Variants in SLC13A3 observed in about 807,000 individuals in gnomAD.
The protein encoded by SLC13A3 is solute carrier family 13 member 3.
SLC13A3 carries 40 observed loss-of-function variants against 59.0 expected under a neutral mutation model. The observed-to-expected ratio is 0.68, with a 90% CI of 0.53 to 0.88. The LOEUF is 0.88. Ranked by LOEUF, SLC13A3 falls within the 40% of genes least tolerant of loss-of-function variation. The probability of loss-of-function intolerance (pLI) is 0.00; values close to 1 mark genes in which losing one functional copy is unlikely to be tolerated. For synonymous variants in SLC13A3, 317 were observed against 330.3 expected (o/e 0.96, Z 0.44); for missense variants, 699 against 783.2 (o/e 0.89, Z 1.28).
At chr20:46,613,020 C>G (rs1013257570) in intron 2 of SLC13A3, among the ~76,000 whole-genome samples, 1 of 152,180 alleles carries the variant, frequency 6.6e-6, no homozygotes, top group Non-Finnish European at 1.5e-5. Context: ...CTAATCCTCA[C>G]TAAACTCTAT....
At chr20:46,656,572 TAC>T (rs1171856387) in intron 1 of SLC13A3, among the ~76,000 whole-genome samples, 1 of 147,124 alleles carries the variant, frequency 6.8e-6, no homozygotes, top group Non-Finnish European at 1.5e-5. Flanking sequence ...ATATATACTA[TAC>T]AGTACATATA....
intron 1 of SLC13A3, among the ~76,000 whole-genome samples, chr20:46,626,573 C>T (rs1178659948): frequency 6.6e-6 from 1 of 152,176 alleles, no homozygotes; most frequent in Non-Finnish European, 1.5e-5. Flanking sequence ...CCAGAGTGAC[C>T]CCCAAATGCC....
At chr20:46,641,887 AG>A (rs2062848839) in intron 1 of SLC13A3, among the ~76,000 whole-genome samples, 1 of 152,130 alleles carries the variant, frequency 6.6e-6, no homozygotes, top group Non-Finnish European at 1.5e-5. Context: ...CCTCTTTTTG[AG>A]GGATCTCACA....
At chr20:46,580,098 G>C (rs776117402) in intron 9 of SLC13A3, among the ~76,000 whole-genome samples, 1 of 152,168 alleles carries the variant, frequency 6.6e-6, no homozygotes, top group Non-Finnish European at 1.5e-5. Context: ...TGGGGTTACA[G>C]GTATGTGCCA....
rs182865880 is a variant in SLC13A3, at chr20:46,648,860, G to A, written c.111+2451C>T. The stretch of plus-strand genomic sequence containing the variant: ...GTGGAGGTTGCAGTGAGCCAAGATC[G>A]TGCCACTGCACTCCAGCCTGTGTTA... On this transcript the variant is annotated intron_variant, in intron 1 of 12. Transcript: ENST00000279027. Among the ~76,000 whole-genome samples, 6 of 151,930 alleles carry A rather than the reference G, an allele frequency of 3.9e-5. 1 individual carries two copies. Among genetic ancestry groups the A allele is most frequent in the African/African-American group, 1.2e-4 (5 of 41,422 alleles).
chr20:46,568,924 G>A (rs191265446), intron 10 of SLC13A3, among the ~76,000 whole-genome samples: 2 of 152,298 alleles, frequency 1.3e-5, no homozygotes, highest in Admixed American at 6.5e-5. Context: ...AGAGGAAAAC[G>A]CCTGTTGCGT....
intron 1 of SLC13A3, among the ~76,000 whole-genome samples, chr20:46,676,962 C>T (rs1448948085): frequency 2.6e-5 from 4 of 152,340 alleles, no homozygotes; most frequent in Non-Finnish European, 2.9e-5. Context: ...CCTGTCCAGG[C>T]TGGAGTGCAG....
At chr20:46,640,140 G>A (rs959892237) in intron 1 of SLC13A3, among the ~76,000 whole-genome samples, 3 of 152,148 alleles carry the variant, frequency 2.0e-5, no homozygotes, top group African/African-American at 7.2e-5. Flanking sequence ...GTCTCCTCGG[G>A]GGACAGAGGA....
Position 46,651,356 on chromosome 20 carries a change from G to A in SLC13A3, c.66C>T (p.Phe22=), listed in dbSNP as rs1011834868. The A allele has an allele frequency of 3.9e-5, 59 of 1,514,524 alleles. 1 individual carries two copies. The highest frequency in any genetic ancestry group is 4.8e-5 in the Non-Finnish European group (54 of 1,134,150). The allele number at this position is 1,514,524 out of a possible 1,614,324, so 93.8% of individuals were successfully genotyped here. The part of the protein sequence containing the change: ...WSARRLLVLL[F]TPLALLPVVF... ...CCACCGGCAGCAGCGCGAGCGGCGT[G>A]AACAGCAGCACCAGCAGCCGCCGCG... Residue 22 remains phenylalanine (F), a synonymous_variant, in exon 1 of 13, where the codon TTC becomes TTT. Coordinates refer to ENST00000279027, the MANE Select transcript of SLC13A3 (RefSeq NM_022829.6).
rs546751549 is a variant in SLC13A3, at chr20:46,585,922, T to C, written c.1121+2137A>G. ...AGGCCCAGAAGGTGAGATATCTGGATTGTGCACTGCCCAGTATGGTAGCCA... is the reference window on the plus strand; with the variant it reads ...AGGCCCAGAAGGTGAGATATCTGGACTGTGCACTGCCCAGTATGGTAGCCA... On this transcript the variant is annotated intron_variant, in intron 8 of 12. Coordinates refer to ENST00000279027, the MANE Select transcript of SLC13A3 (RefSeq NM_022829.6). Among the ~76,000 whole-genome samples the C allele has an allele frequency of 2.0e-5, 3 of 152,314 alleles. No homozygotes were observed. The East Asian group carries it at 5.8e-4, about 29-fold the overall frequency.
intron 1 of SLC13A3, among the ~76,000 whole-genome samples, chr20:46,676,541 C>A (rs991903053): frequency 2.0e-5 from 3 of 151,860 alleles, no homozygotes; most frequent in Admixed American, 1.3e-4. Flanking sequence ...AGGCACGAGC[C>A]ACTGCGCCCG....
intron 1 of SLC13A3, among the ~76,000 whole-genome samples, chr20:46,669,271 C>A (rs189682694): frequency 6.6e-6 from 1 of 152,066 alleles, no homozygotes; most frequent in Non-Finnish European, 1.5e-5. Flanking sequence ...TTCCACCCCC[C>A]TCGTGGACCC....
intron 1 of SLC13A3, among the ~76,000 whole-genome samples, chr20:46,662,843 G>T (rs1452582641): frequency 6.6e-6 from 1 of 152,188 alleles, no homozygotes; most frequent in Non-Finnish European, 1.5e-5. Flanking sequence ...ACCTTGCAAA[G>T]TTCTGAAAAT....
At chr20:46,652,544 C>T (rs2062958850), upstream of SLC13A3, among the ~76,000 whole-genome samples, 1 of 112,644 alleles carries the variant, frequency 8.9e-6, no homozygotes, top group African/African-American at 3.3e-5. Context: ...CCATATCTGG[C>T]TAATTTTTTT....
chr20:46,563,317 T>TG, intron 12 of SLC13A3, 97 bp downstream of exon 12: 1 of 1,377,064 alleles, frequency 7.3e-7, no homozygotes, highest in Non-Finnish European at 9.8e-7. Flanking sequence ...GACTGGGGAG[T>TG]GGGGTCAGCG....
At chr20:46,588,683 G>A (rs546741609) in intron 7 of SLC13A3, among the ~76,000 whole-genome samples, 1 of 152,248 alleles carries the variant, frequency 6.6e-6, no homozygotes, top group African/African-American at 2.4e-5. Context: ...AGAGTTGGAG[G>A]AGACAGTTAC....
At chr20:46,630,602 T>C (rs2062727032) in intron 1 of SLC13A3, among the ~76,000 whole-genome samples, 1 of 152,216 alleles carries the variant, frequency 6.6e-6, no homozygotes, top group African/African-American at 2.4e-5. Flanking sequence ...ATTCTTCTCC[T>C]TTTGTTGCTT....
At chr20:46,661,066 A>G (rs983777191) in intron 1 of SLC13A3, among the ~76,000 whole-genome samples, 1 of 151,868 alleles carries the variant, frequency 6.6e-6, no homozygotes, top group Admixed American at 6.6e-5. Context: ...TTTGTTGTAG[A>G]TTTTTTAAGT....
In SLC13A3 at chr20:46,568,110, C is replaced by T. The variant is rs145812401; in HGVS notation, c.1333-1720G>A. On this transcript the variant is annotated intron_variant, in intron 10 of 12. Transcript: ENST00000279027. The stretch of plus-strand genomic sequence containing the variant: ...ATAATCGATTCTAGAAGACAGCATA[C>T]AGGGCCAGGCATGGTGGCTCACGCC... Among the ~76,000 whole-genome samples, 883 of 152,114 alleles carry T rather than the reference C, an allele frequency of 5.8e-3. 15 individuals carry two copies. The highest frequency in any genetic ancestry group is 0.02 in the African/African-American group (849 of 41,500).
Sources: gnomAD v4.1 joint callset for allele counts (sites outside exome capture counted in the v4.1 genomes callset) on GRCh38, gnomAD v4.1.1 for gene constraint, MANE v1.5 for transcripts, NCBI Gene and HGNC (gene_info 2026-07-23, HGNC 2026-07-21) for gene names.